Variants in IPMK observed in about 807,000 individuals in gnomAD.
The protein encoded by IPMK is inositol 1,3,4,6-tetrakisphosphate 5-kinase.
A neutral mutation model predicts 45.8 loss-of-function variants in IPMK; 17 were observed. The ratio of observed to expected loss-of-function variants is 0.37; its 90% CI spans 0.25 to 0.56. The LOEUF (loss-of-function observed/expected upper bound fraction) is 0.56. Ranked by LOEUF, IPMK falls within the 20% of genes least tolerant of loss-of-function variation. IPMK has a pLI of 0.79. For synonymous variants in IPMK, 180 were observed against 184.3 expected (o/e 0.98, Z 0.19); for missense variants, 399 against 498.0 (o/e 0.80, Z 1.89).
chr10:58,209,516 G>T (rs180886200), intron 4 of IPMK, among the ~76,000 whole-genome samples: 27 of 152,304 alleles, frequency 1.8e-4, no homozygotes, highest in Non-Finnish European at 2.9e-4. Flanking sequence ...GATCGTTATT[G>T]TTCTTCTGGG....
intron 3 of IPMK, 22 bp downstream of exon 3, chr10:58,227,021 A>G (rs1838427909): frequency 3.9e-6 from 6 of 1,529,346 alleles, no homozygotes; most frequent in Middle Eastern, 2.0e-4. Context: ...AAACTGAAAG[A>G]TAATTTTTAT....
intron 1 of IPMK, among the ~76,000 whole-genome samples, chr10:58,253,361 AG>A (rs1838913252): frequency 6.6e-6 from 1 of 152,194 alleles, no homozygotes; most frequent in Non-Finnish European, 1.5e-5. Context: ...CTTGTAAAAC[AG>A]GTCTGGCATT....
chr10:58,197,999 C>G (rs1029271100), intron 5 of IPMK, among the ~76,000 whole-genome samples: 4 of 152,182 alleles, frequency 2.6e-5, no homozygotes, highest in Non-Finnish European at 5.9e-5. Flanking sequence ...CACTGCACTC[C>G]AGCCTGGGTG....
At chr10:58,227,252 T>G (rs750021577) in intron 2 of IPMK, 113 bp from the exon 3 acceptor site, 1 of 762,028 alleles carries the variant, frequency 1.3e-6, no homozygotes, top group Non-Finnish European at 2.1e-6. Flanking sequence ...TGGCTTCAAT[T>G]GCAAGTAAAT....
At chr10:58,264,968 G>A (rs983527218) in intron 1 of IPMK, among the ~76,000 whole-genome samples, 4 of 152,140 alleles carry the variant, frequency 2.6e-5, no homozygotes, top group African/African-American at 7.2e-5. Context: ...GAATGAGTAG[G>A]GGGAAGGGCA....
intron 2 of IPMK, among the ~76,000 whole-genome samples, chr10:58,231,114 G>C (rs761284787): frequency 6.6e-6 from 1 of 152,076 alleles, no homozygotes; most frequent in Admixed American, 6.5e-5. Context: ...AAAGCAAGAC[G>C]ACAAGGTTAG....
intron 5 of IPMK, among the ~76,000 whole-genome samples, chr10:58,197,652 A>T (rs1837924702): frequency 7.2e-6 from 1 of 139,358 alleles, no homozygotes; most frequent in Admixed American, 6.8e-5. Context: ...TCCGTCTCAA[A>T]AAAAAAAGAA....
At chr10:58,243,683 A>G (rs2132169343) in intron 1 of IPMK, among the ~76,000 whole-genome samples, 1 of 152,322 alleles carries the variant, frequency 6.6e-6, no homozygotes, top group Non-Finnish European at 1.5e-5. Flanking sequence ...AATGTTGCCC[A>G]GGCTGGAGTG....
At chr10:58,214,694 A>C (rs1838218133) in intron 4 of IPMK, among the ~76,000 whole-genome samples, 1 of 152,186 alleles carries the variant, frequency 6.6e-6, no homozygotes. Context: ...TCAAAAAGGA[A>C]GATCCATATA....
chr10:58,257,730 T>C (rs1838993758), intron 1 of IPMK, among the ~76,000 whole-genome samples: 1 of 152,130 alleles, frequency 6.6e-6, no homozygotes, highest in Non-Finnish European at 1.5e-5. Flanking sequence ...ATGGAAAAGA[T>C]GCATCATGCA....
chr10:58,232,702 G>A (rs912216847), intron 2 of IPMK, among the ~76,000 whole-genome samples: 1 of 152,182 alleles, frequency 6.6e-6, no homozygotes, highest in African/African-American at 2.4e-5. Context: ...GAAATTTATA[G>A]CAATAAATGC....
At chr10:58,259,369 T>A (rs772991713) in intron 1 of IPMK, among the ~76,000 whole-genome samples, 7 of 152,008 alleles carry the variant, frequency 4.6e-5, no homozygotes, top group African/African-American at 7.2e-5. Context: ...CAGCTTGAAG[T>A]TCCCACTGCT....
Position 58,267,787 on chromosome 10 carries a change from C to T in IPMK, c.-176G>A, listed in dbSNP as rs1248291072. 1.8e-6 allele frequency: 1 copy of T among 557,436 alleles called. No homozygotes were observed. Among genetic ancestry groups the T allele is most frequent in the Non-Finnish European group, 3.2e-6 (1 of 316,978 alleles). 34.5% of individuals were successfully genotyped at this position (557,436 alleles called of 1,614,324 possible). A position where few individuals can be genotyped will look rare whatever the true frequency, so the allele number is the denominator to read the frequency against. ...GCCCATGACGCCGCCGGGGCGCGGG[C>T]GCTCCTCTGCCCAACTCTCGGCGGA... On this transcript the variant is annotated 5_prime_UTR_variant, in exon 1 of 6. Transcript: ENST00000373935.
rs1172747538 is a variant in IPMK at position 58,191,747 on chromosome 10, T to G, written c.*4329A>C. 6.6e-6 allele frequency: 1 copy of G among 152,112 alleles called. No individual in the cohort carries two copies. The highest frequency in any genetic ancestry group is 1.5e-5 in the Non-Finnish European group (1 of 67,962). The allele number at this position is 152,112 out of a possible 1,614,324, so 9.4% of individuals were successfully genotyped here. A position where few individuals can be genotyped will look rare whatever the true frequency, so the allele number is the denominator to read the frequency against. On this transcript the variant is annotated 3_prime_UTR_variant, in exon 6 of 6. Transcript: ENST00000373935. ...TTATACATTTAAACCAAAGTAACTG[T>G]GACTAAATACATTCATTCATCAAGT...
chr10:58,249,853 G>GT (rs1476603590), intron 1 of IPMK, among the ~76,000 whole-genome samples: 4 of 152,166 alleles, frequency 2.6e-5, no homozygotes, highest in African/African-American at 9.6e-5. Context: ...ATACATATTG[G>GT]TTTTTTATAT....
chr10:58,229,190 T>C (rs1838467204), intron 2 of IPMK, among the ~76,000 whole-genome samples: 1 of 151,986 alleles, frequency 6.6e-6, no homozygotes, highest in South Asian at 2.1e-4. Context: ...GAAAAGGGAC[T>C]CTCAACTGAT....
chr10:58,257,650 C>A (rs1470611495), intron 1 of IPMK, among the ~76,000 whole-genome samples: 1 of 151,982 alleles, frequency 6.6e-6, no homozygotes, highest in Non-Finnish European at 1.5e-5. Flanking sequence ...CTCAGAGAAT[C>A]CGAAACAGAC....
At chr10:58,222,208 TAGTTTA>T (rs1838347476) in intron 3 of IPMK, among the ~76,000 whole-genome samples, 1 of 152,224 alleles carries the variant, frequency 6.6e-6, no homozygotes, top group African/African-American at 2.4e-5. Context: ...CTATCTGGAA[TAGTTTA>T]AGTTCACTCT....
intron 4 of IPMK, among the ~76,000 whole-genome samples, chr10:58,200,290 T>C (rs916127218): frequency 1.3e-5 from 2 of 152,002 alleles, no homozygotes; most frequent in African/African-American, 2.4e-5. Flanking sequence ...AGGTAATTTT[T>C]GTATTTTTAG....
Sources: gnomAD v4.1 joint callset for allele counts (sites outside exome capture counted in the v4.1 genomes callset) on GRCh38, gnomAD v4.1.1 for gene constraint, MANE v1.5 for transcripts, NCBI Gene and HGNC (gene_info 2026-07-23, HGNC 2026-07-21) for gene names.